The following SLC13A3 variants were observed in gnomAD, a reference collection of about 807,000 sequenced individuals.
SLC13A3 encodes Na(+)/dicarboxylate cotransporter 3.
In SLC13A3, 40 loss-of-function variants were observed where a neutral mutation model predicts 59.0. The observed-to-expected ratio is 0.68, with a 90% CI of 0.53 to 0.88. SLC13A3 has a LOEUF of 0.88. Ranked by LOEUF, SLC13A3 falls within the 40% of genes least tolerant of loss-of-function variation. SLC13A3 has a pLI of 0.00. For missense variants in SLC13A3, 699 were observed against 783.2 expected, an observed-to-expected ratio of 0.89 and a Z score of 1.28; for synonymous variants, 317 against 330.3, an observed-to-expected ratio of 0.96 and a Z score of 0.44.
At chr20:46,658,871 C>A (rs1029698817) in intron 1 of SLC13A3, among the ~76,000 whole-genome samples, 1 of 152,138 alleles carries the variant, frequency 6.6e-6, no homozygotes, top group African/African-American at 2.4e-5. Flanking sequence ...ATTGTTATGT[C>A]TTTATTGGTG....
At chr20:46,655,895 T>C (rs927675269), upstream of SLC13A3, among the ~76,000 whole-genome samples, 1 of 139,634 alleles carries the variant, frequency 7.2e-6, no homozygotes, top group African/African-American at 2.6e-5. Context: ...GTATATAATA[T>C]ATATACTGTA....
intron 2 of SLC13A3, among the ~76,000 whole-genome samples, chr20:46,612,110 TCTCTCTC>T (rs1343640178): frequency 0.016 from 2,288 of 143,996 alleles, 131 homozygotes; most frequent in African/African-American, 0.06. Context: ...TTTCTCTCTT[TCTCTCTC>T]TCTTTGCTTT....
At chr20:46,637,685 T>C (rs2062808408) in intron 1 of SLC13A3, among the ~76,000 whole-genome samples, 1 of 152,182 alleles carries the variant, frequency 6.6e-6, no homozygotes, top group African/African-American at 2.4e-5. Flanking sequence ...TGTGAACCCA[T>C]CATCACAACA....
chr20:46,637,457 A>G (rs2062806686), intron 1 of SLC13A3, among the ~76,000 whole-genome samples: 2 of 152,140 alleles, frequency 1.3e-5, no homozygotes, highest in South Asian at 4.1e-4. Context: ...ATACAGGAGG[A>G]AATGGAGGCT....
At chr20:46,678,288 C>A (rs1402187262) in intron 1 of SLC13A3, among the ~76,000 whole-genome samples, 1 of 152,288 alleles carries the variant, frequency 6.6e-6, no homozygotes, top group East Asian at 1.9e-4. Flanking sequence ...TCTAACCTGA[C>A]AGTAAAAGGC....
chr20:46,563,632 G>GAGAGAA, intron 11 of SLC13A3, 81 bp from the exon 12 acceptor site: 3 of 1,455,540 alleles, frequency 2.1e-6, no homozygotes, highest in Non-Finnish European at 2.8e-6. Flanking sequence ...GAGAGAGAGA[G>GAGAGAA]GCAGTTGGAA....
In SLC13A3 at chr20:46,592,370, C is replaced by T. The variant is rs190721072; in HGVS notation, c.920+34G>A. ...GGTTAGAAACGCCATTCCCTGCTTC[C>T]CCACTCTATTGCCAAAAAGAAAATG... On this transcript the variant is annotated intron_variant, in intron 6 of 12. Coordinates refer to ENST00000279027, the MANE Select transcript of SLC13A3 (RefSeq NM_022829.6). 10 of 1,612,224 alleles carry T rather than the reference C, an allele frequency of 6.2e-6. No homozygotes were observed. In the East Asian group the frequency reaches 2.0e-4, roughly 32 times the overall value.
intron 1 of SLC13A3, among the ~76,000 whole-genome samples, chr20:46,675,772 TC>T (rs2063121338): frequency 6.6e-6 from 1 of 151,896 alleles, no homozygotes; most frequent in Admixed American, 6.6e-5. Context: ...TTAATAGAAT[TC>T]CTGGGCTGTG....
intron 1 of SLC13A3, among the ~76,000 whole-genome samples, chr20:46,676,416 T>G (rs1448223683): frequency 6.9e-6 from 1 of 145,756 alleles, no homozygotes; most frequent in Non-Finnish European, 1.5e-5. Flanking sequence ...CAACTCTTTT[T>G]TTTTTTTTTT....
At chr20:46,562,282 C>T (rs937025161) in intron 12 of SLC13A3, among the ~76,000 whole-genome samples, 12 of 152,164 alleles carry the variant, frequency 7.9e-5, no homozygotes, top group Non-Finnish European at 1.6e-4. Context: ...GACCTCGTGT[C>T]TCCAACCTCA....
intron 5 of SLC13A3, among the ~76,000 whole-genome samples, chr20:46,594,716 G>A (rs2062292593): frequency 6.6e-6 from 1 of 151,618 alleles, no homozygotes; most frequent in Non-Finnish European, 1.5e-5. Flanking sequence ...ATCAATTGGT[G>A]AAATACACCC....
intron 3 of SLC13A3, among the ~76,000 whole-genome samples, chr20:46,609,878 T>C (rs971900102): frequency 1.3e-5 from 2 of 152,116 alleles, no homozygotes; most frequent in Non-Finnish European, 1.5e-5. Flanking sequence ...GAGAATTCCT[T>C]TGGTGTCTGG....
In SLC13A3 at chr20:46,651,427, C is replaced by T. The variant is rs764681716; in HGVS notation, c.-6G>A. 68 of 1,477,928 alleles carry T rather than the reference C, an allele frequency of 4.6e-5. No individual in the cohort carries two copies. In the Middle Eastern group the frequency reaches 9.5e-4, roughly 21 times the overall value. 91.6% of individuals were successfully genotyped at this position (1,477,928 alleles called of 1,614,324 possible). A position where few individuals can be genotyped will look rare whatever the true frequency, so the allele number is the denominator to read the frequency against. On this transcript the variant is annotated 5_prime_UTR_variant, in exon 1 of 13. Transcript: ENST00000279027. ...GCTGCTGCCAGCGCCGCCATCAGCG[C>T]GATCGCCTGGCGGTACGGGCCGGCC...
chr20:46,592,519 G>C lies in SLC13A3; in HGVS notation c.805C>G (p.Gln269Glu), dbSNP rs1568925483. ...GAGCCGAAATTCACCACGTCACACT[G>C]CGGAAAGAAACTGGAGAACAGCGGG... ...LLGQLKSFFP[Q>E]CDVVNFGSWF... Residue 269 changes from glutamine to glutamate, a missense_variant, in exon 6 of 13, where the codon CAG (glutamine) becomes GAG (glutamate). Coordinates refer to ENST00000279027, the MANE Select transcript of SLC13A3 (RefSeq NM_022829.6). 1.2e-6 allele frequency: 2 copies of C among 1,613,702 alleles called. No individual in the cohort carries two copies. Among genetic ancestry groups the C allele is most frequent in the African/African-American group, 2.7e-5 (2 of 75,014 alleles).
upstream of SLC13A3, among the ~76,000 whole-genome samples, chr20:46,652,333 C>A (rs1407081978): frequency 6.6e-6 from 1 of 152,130 alleles, no homozygotes; most frequent in African/African-American, 2.4e-5. Flanking sequence ...CAGTGTCTGG[C>A]AGAGCAGGTG....
intron 1 of SLC13A3, among the ~76,000 whole-genome samples, chr20:46,661,638 C>A (rs2063030773): frequency 1.3e-5 from 2 of 152,222 alleles, no homozygotes; most frequent in South Asian, 4.1e-4. Flanking sequence ...ATTTCCTGCA[C>A]CTGGGAGGAT....
chr20:46,613,804 G>A (rs1252114394), intron 1 of SLC13A3, 79 bp from the exon 2 acceptor site: 5 of 1,310,498 alleles, frequency 3.8e-6, no homozygotes, highest in South Asian at 3.1e-5. Context: ...TCAGGGCAGA[G>A]GGGGAAGGAG....
chr20:46,653,739 T>A (rs1292825853), upstream of SLC13A3, among the ~76,000 whole-genome samples: 2 of 152,232 alleles, frequency 1.3e-5, no homozygotes, highest in African/African-American at 4.8e-5. Flanking sequence ...TAGCTTTGTG[T>A]CCTTAAGGCT....
chr20:46,575,555 G>C lies in SLC13A3; in HGVS notation c.1332+18C>G. The C allele has an allele frequency of 6.7e-7, 1 of 1,491,020 alleles. No individual in the cohort carries two copies. Among genetic ancestry groups the C allele is most frequent in the Non-Finnish European group, 9.2e-7 (1 of 1,090,502 alleles). The allele number at this position is 1,491,020 out of a possible 1,614,324, so 92.4% of individuals were successfully genotyped here. On this transcript the variant is annotated intron_variant, in intron 10 of 12. Transcript: ENST00000279027. ...CCTCCCACTGTTCCTGCTGGTTGGG[G>C]GAGCCAGGGGGTCTTACCTCACAGC...
Sources: gnomAD v4.1 joint callset for allele counts (sites outside exome capture counted in the v4.1 genomes callset) on GRCh38, gnomAD v4.1.1 for gene constraint, MANE v1.5 for transcripts, NCBI Gene and HGNC (gene_info 2026-07-23, HGNC 2026-07-21) for gene names.